LHPP: variants seen among roughly 807,000 people sequenced by gnomAD.
The protein encoded by LHPP is hLHPP.
In LHPP, 24 loss-of-function variants were observed where a neutral mutation model predicts 30.3. That is an observed-to-expected ratio of 0.79 (90% CI 0.57 to 1.11). The LOEUF is 1.11. Ranked by LOEUF, LHPP falls within the 50% of genes most tolerant of loss-of-function variation. LHPP has a pLI of 0.00. For missense variants in LHPP, 356 were observed against 367.2 expected, an observed-to-expected ratio of 0.97 and a Z score of 0.25; for synonymous variants, 150 against 157.1, an observed-to-expected ratio of 0.95 and a Z score of 0.34.
rs565813771 is a variant in LHPP at position 124,476,242 on chromosome 10, T to G, written c.126-7897T>G. 6.2e-4 allele frequency among the ~76,000 whole-genome samples: 95 copies of G among 152,204 alleles called. 1 individual carries two copies. Among genetic ancestry groups the G allele is most frequent in the African/African-American group, 2.1e-3 (87 of 41,540 alleles). ...CTCCTGCGTCACTGTGTCTCTTCTC[T>G]CCATTCAAACTTTGGACTCTGATGA... On this transcript the variant is annotated intron_variant, in intron 1 of 6. Coordinates refer to ENST00000368842, the MANE Select transcript of LHPP (RefSeq NM_022126.4).
chr10:124,553,811 G>T, intron 6 of LHPP: 1 of 809,422 alleles, frequency 1.2e-6, no homozygotes, highest in Non-Finnish European at 1.5e-6. Flanking sequence ...CACCTTGGGA[G>T]CTGCACAGAG....
At chr10:124,578,543 A>G (rs908014990) in intron 6 of LHPP, among the ~76,000 whole-genome samples, 23 of 152,334 alleles carry the variant, frequency 1.5e-4, no homozygotes, top group East Asian at 5.8e-4. Context: ...GGCTCTGATC[A>G]GGAGGCACAG....
At chr10:124,579,421 T>G (rs1283842141) in intron 6 of LHPP, among the ~76,000 whole-genome samples, 2 of 152,246 alleles carry the variant, frequency 1.3e-5, no homozygotes, top group Non-Finnish European at 2.9e-5. Flanking sequence ...AAATCAGCAT[T>G]TCAGTGTTGG....
intron 5 of LHPP, among the ~76,000 whole-genome samples, chr10:124,516,970 T>A (rs749138715): frequency 2.0e-5 from 3 of 152,158 alleles, no homozygotes; most frequent in Non-Finnish European, 4.4e-5. Context: ...ATATATACTG[T>A]TCAAAGCTGT....
chr10:124,486,952 G>A (rs1181210441), intron 2 of LHPP, among the ~76,000 whole-genome samples: 1 of 152,248 alleles, frequency 6.6e-6, no homozygotes, highest in African/African-American at 2.4e-5. Flanking sequence ...TACAGGGTTT[G>A]AGCAACCTAG....
chr10:124,516,304 C>T (rs963062338), intron 5 of LHPP, among the ~76,000 whole-genome samples: 5 of 152,224 alleles, frequency 3.3e-5, no homozygotes, highest in African/African-American at 9.6e-5. Context: ...AGTGCCTCTT[C>T]CTCTGGTAAG....
intron 6 of LHPP, among the ~76,000 whole-genome samples, chr10:124,546,730 G>A (rs889270780): frequency 6.6e-6 from 1 of 152,126 alleles, no homozygotes; most frequent in African/African-American, 2.4e-5. Flanking sequence ...TATCTTGGTG[G>A]GTAAGGCAGG....
chr10:124,488,850 GA>G (rs1953421482), intron 3 of LHPP, among the ~76,000 whole-genome samples: 1 of 152,202 alleles, frequency 6.6e-6, no homozygotes, highest in Admixed American at 6.5e-5. Context: ...TGCAGAGGGA[GA>G]CCCTCTGGAG....
rs1953725642 is a variant in LHPP, at chr10:124,496,782, C to T, written c.468-179C>T. Among the ~76,000 whole-genome samples the T allele has an allele frequency of 6.6e-6, 1 of 152,238 alleles. No homozygotes were observed. Among genetic ancestry groups the T allele is most frequent in the Admixed American group, 6.5e-5 (1 of 15,284 alleles). On this transcript the variant is annotated intron_variant, in intron 3 of 6. Transcript: ENST00000368842. The surrounding 1 kb of genome is among the most constrained non-coding windows in gnomAD (Gnocchi z 4.3). ...CCCCACTGGGTGTGGCGGCCTGCCG[C>T]CCGGCTCTGTGGTGCTGGTCCCCTG...
intron 6 of LHPP, among the ~76,000 whole-genome samples, chr10:124,522,145 G>T (rs1954626659): frequency 6.6e-6 from 1 of 152,174 alleles, no homozygotes; most frequent in Non-Finnish European, 1.5e-5. Context: ...CTGGAGCTTG[G>T]CCCAACAGGG....
At chr10:124,569,312 C>T (rs931962714) in intron 6 of LHPP, among the ~76,000 whole-genome samples, 3 of 152,076 alleles carry the variant, frequency 2.0e-5, no homozygotes, top group Admixed American at 6.5e-5. Context: ...GTTGTGCAAA[C>T]GTAGGAATGA....
Position 124,563,308 on chromosome 10 carries a change from T to TCTTATTTTC in LHPP, c.716+46037_716+46038insCTTATTTTC, listed in dbSNP as rs34347060. The stretch of plus-strand genomic sequence containing the variant: ...TAAAAAGAAACAATCTCTCTCTCTC[T>TCTTATTTTC]TTTTCTTTTTTTTTTTTTTTGCATA... On this transcript the variant is annotated intron_variant, in intron 6 of 6. Transcript: ENST00000368842. Among the ~76,000 whole-genome samples the TCTTATTTTC allele has an allele frequency of 1.3e-4, 19 of 145,672 alleles. 1 individual carries two copies. The highest frequency in any genetic ancestry group is 1.4e-4 in the Admixed American group (2 of 14,618).
intron 1 of LHPP, among the ~76,000 whole-genome samples, chr10:124,468,492 A>G (rs753079637): frequency 3.9e-5 from 6 of 152,200 alleles, no homozygotes; most frequent in Non-Finnish European, 7.3e-5. Flanking sequence ...GTGGGCCTGC[A>G]GAACCGATGG....
chr10:124,542,209 G>C (rs1287891101), intron 6 of LHPP, among the ~76,000 whole-genome samples: 1 of 152,200 alleles, frequency 6.6e-6, no homozygotes, highest in Non-Finnish European at 1.5e-5. Context: ...TGCCTTCAGT[G>C]GCTCTGGTGG....
At chr10:124,537,625 A>T (rs1012001577) in intron 6 of LHPP, among the ~76,000 whole-genome samples, 15 of 152,240 alleles carry the variant, frequency 9.9e-5, no homozygotes, top group African/African-American at 2.9e-4. Flanking sequence ...GCAGCCAGGC[A>T]GTCCCCACAG....
intron 6 of LHPP, among the ~76,000 whole-genome samples, chr10:124,551,804 G>A (rs1033498337): frequency 6.6e-6 from 1 of 152,102 alleles, no homozygotes; most frequent in African/African-American, 2.4e-5. Context: ...ACCAGGCAAG[G>A]CTCCCTGGGG....
intron 6 of LHPP, among the ~76,000 whole-genome samples, chr10:124,604,288 T>C (rs923028236): frequency 6.6e-6 from 1 of 152,152 alleles, no homozygotes; most frequent in Admixed American, 6.5e-5. Flanking sequence ...CTCGGGCACC[T>C]GCCAGGGACC....
At chr10:124,470,109 G>A (rs1472272283) in intron 1 of LHPP, among the ~76,000 whole-genome samples, 2 of 152,196 alleles carry the variant, frequency 1.3e-5, no homozygotes, top group Admixed American at 1.3e-4. Flanking sequence ...CTTTATTGAA[G>A]CCCTTTCATG....
chr10:124,471,863 G>A lies in LHPP; in HGVS notation c.125+9876G>A, dbSNP rs1273135059. ...TGCCCAGGCTGGTCTCAAACTCCTG[G>A]CCTCAAGGAGTCCTCCTGCCTCAGC... On this transcript the variant is annotated intron_variant, in intron 1 of 6. Transcript: ENST00000368842. 2.7e-5 allele frequency among the ~76,000 whole-genome samples: 4 copies of A among 148,452 alleles called. No homozygotes were observed. The East Asian group carries it at 6.0e-4, about 22-fold the overall frequency.
Sources: gnomAD v4.1 joint callset for allele counts (sites outside exome capture counted in the v4.1 genomes callset) on GRCh38, gnomAD v4.1.1 for gene constraint, Gnocchi (gnomAD v3.1) non-coding constraint, MANE v1.5 for transcripts, NCBI Gene and HGNC (gene_info 2026-07-23, HGNC 2026-07-21) for gene names.